Variants in TRAPPC3 observed in about 807,000 individuals in gnomAD.
The protein encoded by TRAPPC3 is trafficking protein particle complex subunit 3.
A neutral mutation model predicts 18.2 loss-of-function variants in TRAPPC3; 5 were observed. The observed-to-expected ratio is 0.28, with a 90% CI of 0.14 to 0.58. The LOEUF is 0.58. Among genes scored for constraint, TRAPPC3 ranks in the 20% least tolerant of loss-of-function variants. The probability of loss-of-function intolerance (pLI) is 0.91; values close to 1 mark genes in which losing one functional copy is unlikely to be tolerated. For synonymous variants in TRAPPC3, 65 were observed against 84.2 expected (o/e 0.77, Z 1.25); for missense variants, 176 against 225.9 (o/e 0.78, Z 1.41).
At chr1:36,145,028 T>TC (rs1022871516) in intron 1 of TRAPPC3, among the ~76,000 whole-genome samples, 1 of 151,832 alleles carries the variant, frequency 6.6e-6, no homozygotes, top group African/African-American at 2.4e-5. Flanking sequence ...ATCTTTTTTT[T>TC]CTTTTTTTTT....
Position 36,138,101 on chromosome 1 carries a change from T to C in TRAPPC3, c.241-123A>G, listed in dbSNP as rs2231316. 1,674 of 1,569,460 alleles carry C rather than the reference T, an allele frequency of 1.1e-3. 15 individuals are homozygous for C. In the African/African-American group the frequency reaches 0.017, roughly 16 times the overall value. ...GAACAAACCTGTGGCCTCTGCAAGATGACACTTCAGATACTCAGGACAACA... is the reference window on the plus strand; with the variant it reads ...GAACAAACCTGTGGCCTCTGCAAGACGACACTTCAGATACTCAGGACAACA... On this transcript the variant is annotated intron_variant, in intron 3 of 4. Transcript: ENST00000373166.
At chr1:36,143,502 A>G (rs1644147307) in intron 1 of TRAPPC3, among the ~76,000 whole-genome samples, 1 of 152,228 alleles carries the variant, frequency 6.6e-6, no homozygotes, top group Non-Finnish European at 1.5e-5. Flanking sequence ...CAGAGTCTGA[A>G]GACCTGGGTT....
intron 3 of TRAPPC3, 64 bp downstream of exon 3, chr1:36,139,656 G>A (rs1426620184): frequency 1.2e-5 from 19 of 1,600,914 alleles, no homozygotes; most frequent in Non-Finnish European, 1.5e-5. Context: ...GAGATAGAAA[G>A]AGTGGTAAGC....
chr1:36,138,259 C>T, intron 3 of TRAPPC3: 2 of 1,538,236 alleles, frequency 1.3e-6, no homozygotes, highest in Non-Finnish European at 1.7e-6. Context: ...TAAGCAACAA[C>T]TCACTCACTG....
intron 1 of TRAPPC3, chr1:36,140,401 C>G (rs752648678): frequency 1.1e-4 from 43 of 379,420 alleles, no homozygotes; most frequent in Non-Finnish European, 1.7e-4. Flanking sequence ...ACTAAGCAAT[C>G]ACTCTTCCAA....
upstream of TRAPPC3, among the ~76,000 whole-genome samples, chr1:36,150,627 G>C (rs777839146): frequency 6.6e-6 from 1 of 152,194 alleles, no homozygotes; most frequent in African/African-American, 2.4e-5. Context: ...CTGGTGCCCA[G>C]GGTTCCCCCA....
At chr1:36,137,461 C>T in intron 4 of TRAPPC3, 139 bp from the exon 5 acceptor site, 1 of 861,264 alleles carries the variant, frequency 1.2e-6, no homozygotes, top group Non-Finnish European at 1.8e-6. Flanking sequence ...ATTGACAGCG[C>T]CAACATTCTG....
In TRAPPC3 at chr1:36,149,469, A is replaced by T; in HGVS notation, c.-91T>A. ...AGCCTAAGCCGCTGCCCCTCAGCCC[A>T]CAAGACCGACCGGCACTGACTCACT... On this transcript the variant is annotated 5_prime_UTR_variant, in exon 1 of 5. Coordinates refer to ENST00000373166, the MANE Select transcript of TRAPPC3 (RefSeq NM_014408.5). 6 of 1,522,998 alleles carry T rather than the reference A, an allele frequency of 3.9e-6. No homozygotes were observed. Among genetic ancestry groups the T allele is most frequent in the South Asian group, 2.3e-5 (2 of 86,032 alleles). 94.3% of individuals were successfully genotyped at this position (1,522,998 alleles called of 1,614,324 possible). A position where few individuals can be genotyped will look rare whatever the true frequency, so the allele number is the denominator to read the frequency against.
intron 4 of TRAPPC3, 80 bp downstream of exon 4, chr1:36,137,716 T>TTCTCTC: frequency 6.9e-7 from 1 of 1,451,566 alleles, no homozygotes; most frequent in Non-Finnish European, 9.3e-7. Context: ...GCCCTTTCTT[T>TTCTCTC]TCTCTCTTTC....
chr1:36,153,281 C>G (rs1644284968), upstream of TRAPPC3, among the ~76,000 whole-genome samples: 1 of 152,182 alleles, frequency 6.6e-6, no homozygotes, highest in Non-Finnish European at 1.5e-5. Flanking sequence ...TTGCTGGGGC[C>G]TGGAATCTGC....
rs775853694 is a variant in TRAPPC3, at chr1:36,139,778, G to A, written c.182C>T (p.Ala61Val). Residue 61 changes from alanine (A) to valine (V), a missense_variant, in exon 3 of 5, where the codon GCT becomes GTT. Ala to Val is a moderately conservative substitution (Grantham distance 64). Around this residue, in one of 2 missense-constraint regions of TRAPPC3, gnomAD observed 147 missense variants for 164.3 expected, o/e 0.89. Transcript: ENST00000373166. ...ATGGCACCTCCCAACATTTGACCGA[G>A]CCAAGAAATCTTCAATCAGCCGGAC... ...IGVRLIEDFL[A>V]RSNVGRCHDF... The A allele has an allele frequency of 5.0e-6, 8 of 1,614,000 alleles. No homozygotes were observed. Among genetic ancestry groups the A allele is most frequent in the Non-Finnish European group, 6.8e-6 (8 of 1,180,032 alleles).
upstream of TRAPPC3, among the ~76,000 whole-genome samples, chr1:36,151,439 T>A (rs1644270834): frequency 6.6e-6 from 1 of 151,302 alleles, no homozygotes; most frequent in Admixed American, 6.6e-5. Flanking sequence ...CAAAAATAAA[T>A]AAAAATTAAA....
chr1:36,154,825 C>A (rs148070971), intron 1 of TRAPPC3, among the ~76,000 whole-genome samples: 1 of 152,302 alleles, frequency 6.6e-6, no homozygotes, highest in African/African-American at 2.4e-5. Flanking sequence ...AAGTCACTAG[C>A]TCAAGGTTAC....
At chr1:36,143,046 A>T (rs948945277) in intron 1 of TRAPPC3, among the ~76,000 whole-genome samples, 1 of 152,176 alleles carries the variant, frequency 6.6e-6, no homozygotes, top group African/African-American at 2.4e-5. Flanking sequence ...AATACAAATA[A>T]ATATAAATAT....
intron 1 of TRAPPC3, among the ~76,000 whole-genome samples, chr1:36,145,332 A>G (rs908698368): frequency 6.6e-6 from 1 of 152,012 alleles, no homozygotes; most frequent in African/African-American, 2.4e-5. Context: ...CCTGGCCAGG[A>G]GGCTGATCTT....
intron 1 of TRAPPC3, among the ~76,000 whole-genome samples, chr1:36,148,363 G>A (rs367626003): frequency 1.3e-5 from 2 of 152,164 alleles, no homozygotes; most frequent in East Asian, 3.9e-4. Context: ...GGGAGGCCGA[G>A]ACAGGCGGAT....
At chr1:36,146,632 G>A (rs1644205373) in intron 1 of TRAPPC3, among the ~76,000 whole-genome samples, 2 of 148,134 alleles carry the variant, frequency 1.4e-5, no homozygotes, top group African/African-American at 5.0e-5. Context: ...TTAAGCTGAT[G>A]CTAGAACAAT....
rs773824149 is a variant in TRAPPC3, at chr1:36,137,990, C to G, written c.241-12G>C. The G allele has an allele frequency of 7.4e-6, 12 of 1,612,376 alleles. No individual in the cohort carries two copies. The East Asian group carries it at 2.7e-4, about 36-fold the overall frequency. ...ATCTTGAACGCCACCTGTCAGGGGA[C>G]ACACAACAGCACTTTGGGGAAGAGC... On this transcript the variant is annotated splice_polypyrimidine_tract_variant and intron_variant, in intron 3 of 4. Transcript: ENST00000373166.
upstream of TRAPPC3, among the ~76,000 whole-genome samples, chr1:36,152,899 G>A (rs895541821): frequency 4.6e-5 from 7 of 152,036 alleles, no homozygotes; most frequent in Non-Finnish European, 1.0e-4. Flanking sequence ...TGATCTACCT[G>A]CACTGGCCTC....
Sources: gnomAD v4.1 joint callset for allele counts (sites outside exome capture counted in the v4.1 genomes callset) on GRCh38, gnomAD v4.1.1 for gene constraint, gnomAD v4.1.1 regional missense constraint, MANE v1.5 for transcripts, NCBI Gene and HGNC (gene_info 2026-07-23, HGNC 2026-07-21) for gene names.